Variants in SAFB observed in about 807,000 individuals in gnomAD.
The protein encoded by SAFB is scaffold attachment factor B1.
SAFB carries 15 observed loss-of-function variants against 101.6 expected under a neutral mutation model. The ratio of observed to expected loss-of-function variants is 0.15; its 90% CI spans 0.10 to 0.23. SAFB has a LOEUF of 0.23. Among genes scored for constraint, SAFB ranks in the 10% least tolerant of loss-of-function variants. The probability of loss-of-function intolerance (pLI) is 1.00; values close to 1 mark genes in which losing one functional copy is unlikely to be tolerated. For missense variants in SAFB, 930 were observed against 1,104.1 expected (o/e 0.84, Z 2.23); for synonymous variants, 449 against 407.5 (o/e 1.10, Z -1.23).
intron 2 of SAFB, among the ~76,000 whole-genome samples, chr19:5,640,149 G>T (rs1029325461): frequency 1.3e-5 from 2 of 152,080 alleles, no homozygotes; most frequent in Non-Finnish European, 2.9e-5. Flanking sequence ...CACCGCGCCT[G>T]GCTGGAGCCG....
At chr19:5,643,708 G>A (rs546609800) in intron 4 of SAFB, among the ~76,000 whole-genome samples, 1 of 151,950 alleles carries the variant, frequency 6.6e-6, no homozygotes, top group East Asian at 1.9e-4. Context: ...GGCCAGGTGC[G>A]GTGGCTTGGC....
At chr19:5,646,871 C>G (rs1013159839) in intron 5 of SAFB, among the ~76,000 whole-genome samples, 2 of 152,224 alleles carry the variant, frequency 1.3e-5, no homozygotes, top group Non-Finnish European at 2.9e-5. Context: ...CAGACTCACA[C>G]TCATACACGG....
Position 5,641,878 on chromosome 19 carries a change from C to T in SAFB, c.478C>T (p.Leu160=), listed in dbSNP as rs2053722601. 2 of 1,614,180 alleles carry T rather than the reference C, an allele frequency of 1.2e-6. No individual in the cohort carries two copies. Among genetic ancestry groups the T allele is most frequent in the Non-Finnish European group, 1.7e-6 (2 of 1,180,034 alleles). Residue 160 remains leucine (L), a synonymous_variant, in exon 4 of 21, where the codon CTG becomes TTG. Transcript: ENST00000588852. ...DDDADNLQES[L]SDSRELVEGE... ...TGATGCTGATAACCTCCAGGAGTCCCTGTCGGATAGTAGAGAGCTAGTCGA... is the reference window on the plus strand; with the variant it reads ...TGATGCTGATAACCTCCAGGAGTCCTTGTCGGATAGTAGAGAGCTAGTCGA...
Position 5,657,300 on chromosome 19 carries a change from T to G in SAFB, c.1815T>G (p.Phe605Leu). Reference protein sequence around the residue: ...ASREKRSVVSFDKVKEPRKSR... With the variant: ...ASREKRSVVSLDKVKEPRKSR... ...GAGAGAAGCGGTCCGTCGTGTCCTT[T>G]GATAAGGTCAAGGAGCCTCGGAAGT... The change falls in exon 14 of 21, where the codon TTT (phenylalanine) becomes TTG (leucine). Residue 605 changes from phenylalanine (F) to leucine (L), a missense_variant. Around this residue, in one of 7 missense-constraint regions of SAFB, gnomAD observed 159 missense variants for 234.1 expected, o/e 0.68. Coordinates refer to ENST00000588852, the MANE Select transcript of SAFB (RefSeq NM_001201338.2). 1 of 1,614,032 alleles carries G rather than the reference T, an allele frequency of 6.2e-7. No individual in the cohort carries two copies.
Position 5,654,438 on chromosome 19 carries a change from G to A in SAFB, c.1737G>A (p.Thr579=), listed in dbSNP as rs1129046. ...GGGTGCCTGTGATTAGTGTAAAAAC[G>A]TCCGGGTCCAAAGAGAGAGTGAGTA... ...SKGVPVISVK[T]SGSKERASKS... Residue 579 remains threonine, a synonymous_variant, in exon 13 of 21, where the codon ACG becomes ACA. Coordinates refer to ENST00000588852, the MANE Select transcript of SAFB (RefSeq NM_001201338.2). 41,786 of 1,607,200 alleles carry A rather than the reference G, an allele frequency of 0.026. 1,217 individuals are homozygous for A. Among genetic ancestry groups the A allele is most frequent in the African/African-American group, 0.14 (10,655 of 74,764 alleles).
intron 4 of SAFB, among the ~76,000 whole-genome samples, chr19:5,642,641 C>T (rs2053743204): frequency 7.2e-6 from 1 of 139,814 alleles, no homozygotes; most frequent in Non-Finnish European, 1.5e-5. Context: ...TGGCATTATG[C>T]CCTTCCTTTC....
At chr19:5,630,589 C>T (rs1346742285) in intron 2 of SAFB, among the ~76,000 whole-genome samples, 6 of 151,370 alleles carry the variant, frequency 4.0e-5, no homozygotes, top group African/African-American at 1.5e-4. Context: ...AACCCTGTCT[C>T]TACTAAAAAT....
intron 17 of SAFB, chr19:5,664,746 G>A (rs1432024677): frequency 1.1e-5 from 4 of 358,678 alleles, no homozygotes; most frequent in South Asian, 7.5e-5. Context: ...GCTCTGCTGG[G>A]AAGTGTCTAG....
intron 1 of SAFB, among the ~76,000 whole-genome samples, chr19:5,625,198 T>A (rs1166594075): frequency 6.6e-6 from 1 of 152,212 alleles, no homozygotes; most frequent in Non-Finnish European, 1.5e-5. Context: ...GTTTCTGTCA[T>A]CCTGTTGGTG....
At chr19:5,654,581 A>C (rs2054012214) in intron 13 of SAFB, 125 bp downstream of exon 13, 1 of 718,326 alleles carries the variant, frequency 1.4e-6, no homozygotes, top group East Asian at 2.5e-5. Context: ...GAAAATGTAG[A>C]AATCTCAAAC....
chr19:5,660,342 CTTTTTTT>C (rs11360129), intron 14 of SAFB, among the ~76,000 whole-genome samples: 7 of 50,904 alleles, frequency 1.4e-4, no homozygotes, highest in African/African-American at 5.3e-4. Context: ...CTGCACACAC[CTTTTTTT>C]TTTTTTTTTT....
intron 5 of SAFB, among the ~76,000 whole-genome samples, chr19:5,646,058 T>C (rs895311943): frequency 1.1e-4 from 16 of 152,172 alleles, no homozygotes; most frequent in African/African-American, 2.9e-4. Flanking sequence ...CCTTTTTTTT[T>C]CCAGCCTACA....
Position 5,668,393 on chromosome 19 carries a change from T to C in SAFB, c.*102T>C. On this transcript the variant is annotated 3_prime_UTR_variant, in exon 21 of 21. Coordinates refer to ENST00000588852, the MANE Select transcript of SAFB (RefSeq NM_001201338.2). ...TATTTTTTTTTAATCTGCTGCCATA[T>C]TGTAGCTCAATACAATGTGAATTTG... 1 of 1,318,204 alleles carries C rather than the reference T, an allele frequency of 7.6e-7. No individual in the cohort carries two copies. Among genetic ancestry groups the C allele is most frequent in the African/African-American group, 1.5e-5 (1 of 65,074 alleles). 81.7% of individuals were successfully genotyped at this position (1,318,204 alleles called of 1,614,324 possible).
intron 2 of SAFB, among the ~76,000 whole-genome samples, chr19:5,630,775 G>A (rs866898113): frequency 2.6e-5 from 4 of 151,302 alleles, no homozygotes; most frequent in Admixed American, 1.3e-4. Flanking sequence ...AAAACTATAT[G>A]TATAACTCTG....
intron 14 of SAFB, among the ~76,000 whole-genome samples, chr19:5,661,208 A>G (rs1337740815): frequency 6.6e-6 from 1 of 152,032 alleles, no homozygotes; most frequent in Middle Eastern, 3.2e-3. Flanking sequence ...GATGTGAGCC[A>G]CCGCGCCCGG....
rs1315553289 is a variant in SAFB at position 5,668,408 on chromosome 19, A to G, written c.*117A>G. The G allele has an allele frequency of 1.7e-6, 2 of 1,152,516 alleles. No homozygotes were observed. The highest frequency in any genetic ancestry group is 2.4e-6 in the Non-Finnish European group (2 of 844,520). The allele number at this position is 1,152,516 out of a possible 1,614,324, so 71.4% of individuals were successfully genotyped here. A position where few individuals can be genotyped will look rare whatever the true frequency, so the allele number is the denominator to read the frequency against. Reference sequence around the variant, plus strand: ...TGCTGCCATATTGTAGCTCAATACAATGTGAATTTGTTTTTCGTTTTGGGG... The same window carrying G: ...TGCTGCCATATTGTAGCTCAATACAGTGTGAATTTGTTTTTCGTTTTGGGG... On this transcript the variant is annotated 3_prime_UTR_variant, in exon 21 of 21. Coordinates refer to ENST00000588852, the MANE Select transcript of SAFB (RefSeq NM_001201338.2).
intron 15 of SAFB, among the ~76,000 whole-genome samples, chr19:5,663,570 C>T (rs551841405): frequency 1.3e-5 from 2 of 152,318 alleles, no homozygotes; most frequent in Non-Finnish European, 2.9e-5. Flanking sequence ...CGAAATCCTT[C>T]TGATGACAGT....
At chr19:5,657,105 A>C (rs1264885008) in intron 13 of SAFB, 136 bp from the exon 14 acceptor site, 1 of 624,422 alleles carries the variant, frequency 1.6e-6, no homozygotes, top group African/African-American at 1.8e-5. Context: ...AGGTTTCACC[A>C]TGTTGGCCAG....
At chr19:5,629,197 T>C (rs895064636) in intron 2 of SAFB, among the ~76,000 whole-genome samples, 1 of 152,198 alleles carries the variant, frequency 6.6e-6, no homozygotes, top group Non-Finnish European at 1.5e-5. Context: ...TGTGTGTGTA[T>C]GTACAATGTT....
Sources: allele counts gnomAD v4.1 joint callset (sites outside exome capture counted in the v4.1 genomes callset), GRCh38; gene constraint gnomAD v4.1.1; regional missense constraint gnomAD v4.1.1; transcripts MANE v1.5; gene names NCBI Gene and HGNC (gene_info 2026-07-23, HGNC 2026-07-21).